The following PRKAG2 variants were observed in gnomAD, a reference collection of about 807,000 sequenced individuals.
The protein encoded by PRKAG2 is 5'-AMP-activated protein kinase subunit gamma-2.
A neutral mutation model predicts 69.6 loss-of-function variants in PRKAG2; 26 were observed. That is an observed-to-expected ratio of 0.37 (90% CI 0.27 to 0.52). PRKAG2 has a LOEUF of 0.52. PRKAG2 is among the 20% of genes least tolerant of loss of function. The pLI is 0.90. For missense variants in PRKAG2, 557 were observed against 740.0 expected (o/e 0.75, Z 2.87); for synonymous variants, 293 against 285.0 (o/e 1.03, Z -0.28).
At chr7:151,782,127 A>T (rs1442965606) in intron 2 of PRKAG2, among the ~76,000 whole-genome samples, 1 of 151,748 alleles carries the variant, frequency 6.6e-6, no homozygotes, top group East Asian at 1.9e-4. Context: ...AAAAAATAAA[A>T]AAAAAATTAG....
At chr7:151,871,034 C>A (rs1022052818) in intron 1 of PRKAG2, among the ~76,000 whole-genome samples, 2 of 152,220 alleles carry the variant, frequency 1.3e-5, no homozygotes. Context: ...CCAAAGACTT[C>A]TGCCTTGGGT....
intron 1 of PRKAG2, among the ~76,000 whole-genome samples, chr7:151,795,776 C>T (rs2077471666): frequency 6.8e-6 from 1 of 147,144 alleles, no homozygotes; most frequent in Non-Finnish European, 1.5e-5. Context: ...AGCTTCTAGT[C>T]CGTCTGCCCA....
At chr7:151,710,304 C>G (rs1010475074) in intron 3 of PRKAG2, among the ~76,000 whole-genome samples, 11 of 152,292 alleles carry the variant, frequency 7.2e-5, no homozygotes, top group Admixed American at 6.5e-4. Context: ...GTGCGTGGCA[C>G]CCCTGTCCCC....
intron 10 of PRKAG2, 113 bp downstream of exon 10, chr7:151,570,058 G>A (rs1431507494): frequency 3.2e-6 from 4 of 1,263,620 alleles, no homozygotes; most frequent in Non-Finnish European, 4.4e-6. Context: ...GAATTAAGGA[G>A]GCAGGCCCTG....
chr7:151,715,379 T>C (rs1000934087), intron 3 of PRKAG2, among the ~76,000 whole-genome samples: 4 of 145,028 alleles, frequency 2.8e-5, no homozygotes, highest in African/African-American at 1.0e-4. Context: ...ACAGAGTTCC[T>C]GTCTGTTGCC....
chr7:151,761,333 C>T (rs2075401033), intron 3 of PRKAG2, among the ~76,000 whole-genome samples: 1 of 152,144 alleles, frequency 6.6e-6, no homozygotes, highest in Admixed American at 6.5e-5. Context: ...CAGCCATTGT[C>T]CCGAGGTCAC....
intron 1 of PRKAG2, among the ~76,000 whole-genome samples, chr7:151,801,266 G>A (rs977506554): frequency 1.3e-5 from 2 of 152,208 alleles, no homozygotes; most frequent in African/African-American, 4.8e-5. Context: ...AAGATTAGTG[G>A]GATCCAGTCT....
chr7:151,617,283 A>AG (rs1820394198), intron 5 of PRKAG2, among the ~76,000 whole-genome samples: 2 of 6,052 alleles, frequency 3.3e-4, no homozygotes, highest in Non-Finnish European at 3.2e-4. Context: ...AGGGAGGGAA[A>AG]GAGGGAGGGG....
intron 1 of PRKAG2, among the ~76,000 whole-genome samples, chr7:151,842,360 A>ATGGTAGTGATGGTAGGTG (rs1563746875): frequency 2.1e-5 from 2 of 94,288 alleles, no homozygotes; most frequent in African/African-American, 8.9e-5. Flanking sequence ...AATGGTAGGT[A>ATGGTAGTGATGGTAGGTG]GGGATGGTAG....
intron 1 of PRKAG2, among the ~76,000 whole-genome samples, chr7:151,864,753 T>G (rs1245309518): frequency 6.6e-6 from 1 of 152,088 alleles, no homozygotes; most frequent in African/African-American, 2.4e-5. Context: ...GGTGACACTC[T>G]TAAAAGTCCA....
chr7:151,787,058 C>T (rs1199575981), intron 1 of PRKAG2, among the ~76,000 whole-genome samples: 4 of 152,194 alleles, frequency 2.6e-5, no homozygotes, highest in Non-Finnish European at 5.9e-5. Context: ...GAAAGTAGCT[C>T]ACCACACACT....
chr7:151,701,942 C>G (rs1161574669), intron 3 of PRKAG2, among the ~76,000 whole-genome samples: 1 of 152,166 alleles, frequency 6.6e-6, no homozygotes, highest in African/African-American at 2.4e-5. Flanking sequence ...AGAAACCAAC[C>G]TTCCCACACC....
intron 4 of PRKAG2, among the ~76,000 whole-genome samples, chr7:151,642,202 G>C (rs1308168995): frequency 6.6e-6 from 1 of 151,978 alleles, no homozygotes; most frequent in African/African-American, 2.4e-5. Context: ...AATTAGCCAG[G>C]CATGGTGGCA....
chr7:151,759,013 T>C (rs1481984578), intron 3 of PRKAG2, among the ~76,000 whole-genome samples: 1 of 152,040 alleles, frequency 6.6e-6, no homozygotes, highest in African/African-American at 2.4e-5. Flanking sequence ...GCCAGACATC[T>C]CTCTGCATTG....
intron 3 of PRKAG2, among the ~76,000 whole-genome samples, chr7:151,682,275 CTG>C (rs1833996157): frequency 1.3e-5 from 2 of 152,144 alleles, no homozygotes; most frequent in Admixed American, 1.3e-4. Flanking sequence ...AGGTCTCACT[CTG>C]TGGCCCAGGC....
intron 4 of PRKAG2, among the ~76,000 whole-genome samples, chr7:151,660,096 G>A (rs561201843): frequency 2.6e-5 from 4 of 152,200 alleles, no homozygotes; most frequent in East Asian, 3.9e-4. Context: ...CCTACATTCC[G>A]GAAAAGAATA....
At chr7:151,558,143 C>T (rs964655583) in intron 15 of PRKAG2, 2 of 985,306 alleles carry the variant, frequency 2.0e-6, no homozygotes, top group Admixed American at 6.1e-5. Flanking sequence ...CACATGGGTT[C>T]ATTTGGACAG....
chr7:151,744,069 G>A (rs200286754), intron 3 of PRKAG2, among the ~76,000 whole-genome samples: 26 of 152,288 alleles, frequency 1.7e-4, no homozygotes, highest in Middle Eastern at 6.8e-3. Context: ...GATGGAGCAC[G>A]GTCACCCCTG....
chr7:151,797,094 C>T (rs1040827958), intron 1 of PRKAG2, among the ~76,000 whole-genome samples: 4 of 152,060 alleles, frequency 2.6e-5, no homozygotes, highest in African/African-American at 4.8e-5. Context: ...CTCCAGTCAT[C>T]GGCCACCCAG....
Sources: allele counts gnomAD v4.1 joint callset (sites outside exome capture counted in the v4.1 genomes callset), GRCh38; gene constraint gnomAD v4.1.1; transcripts MANE v1.5; gene names NCBI Gene and HGNC (gene_info 2026-07-23, HGNC 2026-07-21).